The following RBFOX3 variants were observed in gnomAD, a reference collection of about 807,000 sequenced individuals.
The protein encoded by RBFOX3 is RNA binding fox-1 homolog 3.
In RBFOX3, 17 loss-of-function variants were observed where a neutral mutation model predicts 48.7. The observed-to-expected ratio is 0.35, with a 90% CI of 0.24 to 0.52. RBFOX3 has a LOEUF of 0.52. Among genes scored for constraint, RBFOX3 ranks in the 20% least tolerant of loss-of-function variants. The pLI is 0.94. For synonymous variants in RBFOX3, 212 were observed against 209.5 expected (o/e 1.01, Z -0.10); for missense variants, 382 against 497.5 (o/e 0.77, Z 2.21).
intron 4 of RBFOX3, among the ~76,000 whole-genome samples, chr17:79,215,969 C>T (rs541032780): frequency 1.6e-4 from 24 of 152,340 alleles, no homozygotes; most frequent in Admixed American, 4.6e-4. Flanking sequence ...AGGTTTAACC[C>T]GATAGCCTTG....
intron 2 of RBFOX3, among the ~76,000 whole-genome samples, chr17:79,458,063 GC>G (rs1281952701): frequency 3.3e-5 from 5 of 152,178 alleles, no homozygotes; most frequent in African/African-American, 1.2e-4. Context: ...TCTTTGCAGG[GC>G]GGGGGACCCG....
In RBFOX3 at chr17:79,477,367, T is replaced by C. The variant is rs371225077; in HGVS notation, c.-175+5087A>G. Among the ~76,000 whole-genome samples, 132 of 146,022 alleles carry C rather than the reference T, an allele frequency of 9.0e-4. No individual in the cohort carries two copies. Among genetic ancestry groups the C allele is most frequent in the East Asian group, 1.9e-3 (9 of 4,824 alleles). On this transcript the variant is annotated intron_variant, in intron 2 of 14. Transcript: ENST00000693108. The surrounding 1 kb of genome is among the most constrained non-coding windows in gnomAD (Gnocchi z 4.8). ...GTCAGGAGATCGAGATCATCCTGGC[T>C]AACACGGTGAAACCCCGTCTCTACT...
At chr17:79,441,684 T>G (rs182956962) in intron 2 of RBFOX3, among the ~76,000 whole-genome samples, 82 of 152,230 alleles carry the variant, frequency 5.4e-4, no homozygotes, top group African/African-American at 1.7e-3. Flanking sequence ...CCCCCTAGTG[T>G]GCGGTCATCA....
At chr17:79,368,517 C>G (rs2147517508) in intron 2 of RBFOX3, among the ~76,000 whole-genome samples, 1 of 152,356 alleles carries the variant, frequency 6.6e-6, no homozygotes, top group South Asian at 2.1e-4. Flanking sequence ...CACCGGTTCC[C>G]CGCACCTGCT....
rs992796279 is a variant in RBFOX3, at chr17:79,481,777, C to T, written c.-175+677G>A. Among the ~76,000 whole-genome samples, 109 of 152,286 alleles carry T rather than the reference C, an allele frequency of 7.2e-4. 1 individual carries two copies. Among genetic ancestry groups the T allele is most frequent in the African/African-American group, 2.4e-3 (101 of 41,562 alleles). On this transcript the variant is annotated intron_variant, in intron 2 of 14. Coordinates refer to ENST00000693108, the MANE Select transcript of RBFOX3 (RefSeq NM_001350451.2). The surrounding 1 kb of genome is among the most constrained non-coding windows in gnomAD (Gnocchi z 5.4). The stretch of plus-strand genomic sequence containing the variant: ...TACAACTGTCATTTTTAGTGTAGTG[C>T]TTTTTTGTTGCTGTCGTTCTGTGAA...
intron 1 of RBFOX3, among the ~76,000 whole-genome samples, chr17:79,568,047 C>T (rs997468779): frequency 0.034 from 5,230 of 152,282 alleles, 162 homozygotes; most frequent in East Asian, 0.17. Context: ...GTGACAGTCA[C>T]ACTGCGTGTA....
upstream of RBFOX3, among the ~76,000 whole-genome samples, chr17:79,612,036 G>C (rs2093973405): frequency 6.6e-6 from 1 of 152,176 alleles, no homozygotes; most frequent in South Asian, 2.1e-4. Flanking sequence ...TGAGGACACA[G>C]TGGAGTGGGG....
intron 2 of RBFOX3, among the ~76,000 whole-genome samples, chr17:79,353,505 A>G (rs1253920054): frequency 6.6e-6 from 1 of 152,232 alleles, no homozygotes; most frequent in Non-Finnish European, 1.5e-5. Context: ...TTTCTGGGAA[A>G]TCCAATATAG....
chr17:79,349,135 G>A (rs907899), intron 2 of RBFOX3, among the ~76,000 whole-genome samples: 89,203 of 151,616 alleles, frequency 0.59, 26,266 homozygotes, highest in Middle Eastern at 0.64. Context: ...CACGCCTGGC[G>A]CTCCATCATC....
At chr17:79,180,223 C>A (rs2051580186) in intron 4 of RBFOX3, among the ~76,000 whole-genome samples, 1 of 152,204 alleles carries the variant, frequency 6.6e-6, no homozygotes, top group African/African-American at 2.4e-5. Flanking sequence ...CACACCCCAT[C>A]CCCAGCCTAC....
chr17:79,386,697 C>T (rs971924904), intron 2 of RBFOX3, among the ~76,000 whole-genome samples: 3 of 152,226 alleles, frequency 2.0e-5, no homozygotes, highest in African/African-American at 4.8e-5. Context: ...ATCTTGGCCC[C>T]GCTGTTCCCT....
chr17:79,090,830 T>G lies in RBFOX3; in HGVS notation c.*53A>C. The G allele has an allele frequency of 6.7e-7, 1 of 1,498,998 alleles. No individual in the cohort carries two copies. The highest frequency in any genetic ancestry group is 8.9e-7 in the Non-Finnish European group (1 of 1,124,220). The allele number at this position is 1,498,998 out of a possible 1,614,324, so 92.9% of individuals were successfully genotyped here. A position where few individuals can be genotyped will look rare whatever the true frequency, so the allele number is the denominator to read the frequency against. ...TTGTTTTTTTTGTTTTGTGATTTTTTTTGTTTTTTTGTTTTTGCCCTTCAT... is the reference window on the plus strand; with the variant it reads ...TTGTTTTTTTTGTTTTGTGATTTTTGTTGTTTTTTTGTTTTTGCCCTTCAT... On this transcript the variant is annotated 3_prime_UTR_variant, in exon 15 of 15. Coordinates refer to ENST00000693108, the MANE Select transcript of RBFOX3 (RefSeq NM_001350451.2).
rs575394549 is a variant in RBFOX3, at chr17:79,111,712, C to T, written c.222+3782G>A. On this transcript the variant is annotated intron_variant, in intron 5 of 14. Transcript: ENST00000693108. This position sits in a 1 kb window ranked among gnomAD's most constrained non-coding sequence, Gnocchi z 4.2. The stretch of plus-strand genomic sequence containing the variant: ...CCTCCCGAAGTGCTGGGGTGACAGG[C>T]GTGAGCCAACATGCCCGGCCCGTTA... 2.7e-4 allele frequency among the ~76,000 whole-genome samples: 41 copies of T among 152,362 alleles called. No homozygotes were observed. The highest frequency in any genetic ancestry group is 9.6e-4 in the African/African-American group (40 of 41,582).
chr17:79,422,934 T>C (rs2066694107), intron 2 of RBFOX3, among the ~76,000 whole-genome samples: 1 of 152,158 alleles, frequency 6.6e-6, no homozygotes, highest in Admixed American at 6.5e-5. Flanking sequence ...TGTGTTTCTG[T>C]CTGTCTCTCT....
intron 2 of RBFOX3, among the ~76,000 whole-genome samples, chr17:79,444,613 C>G (rs1312830124): frequency 6.6e-6 from 1 of 152,100 alleles, no homozygotes; most frequent in East Asian, 1.9e-4. Context: ...CCTGATGTGA[C>G]CTGGCTTCCA....
At chr17:79,422,629 G>A (rs1257667270) in intron 2 of RBFOX3, among the ~76,000 whole-genome samples, 1 of 152,212 alleles carries the variant, frequency 6.6e-6, no homozygotes, top group Admixed American at 6.5e-5. Context: ...CTGGGCAGAT[G>A]CTGGGTCGTC....
Position 79,249,699 on chromosome 17 carries a change from TC to T in RBFOX3, c.-73-13895del, listed in dbSNP as rs35378711. The stretch of plus-strand genomic sequence containing the variant: ...CACTTCCCCTGCCTCGCCCGTTCCT[TC>T]CTAGGGAAACCACAGTCAAGACCCC... On this transcript the variant is annotated intron_variant, in intron 3 of 14. Transcript: ENST00000693108. This position sits in a 1 kb window ranked among gnomAD's most constrained non-coding sequence, Gnocchi z 4.1. Among the ~76,000 whole-genome samples, 28,970 of 151,930 alleles carry T rather than the reference TC, an allele frequency of 0.19. 3,448 individuals carry two copies. The highest frequency in any genetic ancestry group is 0.26 in the Non-Finnish European group (17,489 of 67,926).
intron 4 of RBFOX3, among the ~76,000 whole-genome samples, chr17:79,211,769 C>T (rs2058415902): frequency 6.6e-6 from 1 of 152,202 alleles, no homozygotes; most frequent in Non-Finnish European, 1.5e-5. Flanking sequence ...TGGGGCATTT[C>T]TAGATCCCTT....
At chr17:79,568,287 G>A (rs1322594064) in intron 1 of RBFOX3, among the ~76,000 whole-genome samples, 4 of 152,242 alleles carry the variant, frequency 2.6e-5, no homozygotes, top group Admixed American at 6.5e-5. Context: ...ACAGAGAACC[G>A]ATTCCTTTTA....
Sources: allele counts gnomAD v4.1 joint callset (sites outside exome capture counted in the v4.1 genomes callset), GRCh38; gene constraint gnomAD v4.1.1; non-coding constraint Gnocchi (gnomAD v3.1); transcripts MANE v1.5; gene names NCBI Gene and HGNC (gene_info 2026-07-23, HGNC 2026-07-21).